SDC2: variants seen among roughly 807,000 people sequenced by gnomAD.
SDC2 encodes syndecan 2.
In SDC2, 13 loss-of-function variants were observed where a neutral mutation model predicts 22.2. The observed-to-expected ratio is 0.59, with a 90% CI of 0.38 to 0.93. The LOEUF (loss-of-function observed/expected upper bound fraction) is 0.93, where lower values mean the gene tolerates loss of function less well. SDC2 is among the 40% of genes least tolerant of loss of function. The pLI, the probability that SDC2 is intolerant of heterozygous loss-of-function variation, is 0.00. For synonymous variants in SDC2, 94 were observed against 92.8 expected (o/e 1.01, Z -0.07); for missense variants, 235 against 246.8 (o/e 0.95, Z 0.32).
chr8:96,570,630 T>C (rs1015437555), intron 1 of SDC2, among the ~76,000 whole-genome samples: 11 of 152,214 alleles, frequency 7.2e-5, no homozygotes, highest in African/African-American at 2.2e-4. Flanking sequence ...ATGTGTCCAT[T>C]GAGTACTTGA....
intron 1 of SDC2, among the ~76,000 whole-genome samples, chr8:96,553,317 A>G (rs1814056105): frequency 6.6e-6 from 1 of 152,156 alleles, no homozygotes; most frequent in African/African-American, 2.4e-5. Flanking sequence ...CTATGTGAAA[A>G]TGCATTCTTA....
intron 1 of SDC2, among the ~76,000 whole-genome samples, chr8:96,586,851 T>C (rs1189539249): frequency 1.3e-5 from 2 of 152,254 alleles, no homozygotes; most frequent in Non-Finnish European, 2.9e-5. Flanking sequence ...TTAAAGAGAC[T>C]TTAGCTTTCT....
At chr8:96,500,067 G>A (rs1813138516) in intron 1 of SDC2, among the ~76,000 whole-genome samples, 1 of 152,208 alleles carries the variant, frequency 6.6e-6, no homozygotes, top group African/African-American at 2.4e-5. Flanking sequence ...CCAGCCCCCA[G>A]TGGACCTGGG....
At chr8:96,574,709 T>G (rs947001569) in intron 1 of SDC2, among the ~76,000 whole-genome samples, 2 of 152,232 alleles carry the variant, frequency 1.3e-5, no homozygotes, top group Non-Finnish European at 2.9e-5. Context: ...AGGCTTGTCT[T>G]ACTGTTGTTC....
chr8:96,597,780 G>A (rs1814904601), intron 2 of SDC2, among the ~76,000 whole-genome samples: 1 of 152,166 alleles, frequency 6.6e-6, no homozygotes, highest in Non-Finnish European at 1.5e-5. Context: ...CATTGAGGAA[G>A]TATTTCTTAA....
intron 1 of SDC2, among the ~76,000 whole-genome samples, chr8:96,567,552 C>A (rs1268955443): frequency 6.6e-6 from 1 of 152,154 alleles, no homozygotes; most frequent in Admixed American, 6.6e-5. Context: ...ATTCAGTATG[C>A]CTTTGCACAC....
chr8:96,578,008 T>G (rs951176494), intron 1 of SDC2, among the ~76,000 whole-genome samples: 2 of 152,266 alleles, frequency 1.3e-5, no homozygotes, highest in Admixed American at 1.3e-4. Context: ...ACACAAATGA[T>G]AGGACATTTC....
chr8:96,588,493 G>A (rs573815247), intron 1 of SDC2, among the ~76,000 whole-genome samples: 2 of 152,242 alleles, frequency 1.3e-5, no homozygotes, highest in South Asian at 4.2e-4. Context: ...TTGGCACTTT[G>A]TAATCATCAT....
At chr8:96,536,395 A>T (rs906810128) in intron 1 of SDC2, among the ~76,000 whole-genome samples, 3 of 152,086 alleles carry the variant, frequency 2.0e-5, no homozygotes. Context: ...ACCTTTGCTC[A>T]CTGTAGCCTC....
At chr8:96,575,319 C>A (rs1449898844) in intron 1 of SDC2, among the ~76,000 whole-genome samples, 1 of 127,136 alleles carries the variant, frequency 7.9e-6, no homozygotes, top group Non-Finnish European at 1.6e-5. Context: ...TGAGATCCAC[C>A]TGGTAGGTGT....
intron 1 of SDC2, among the ~76,000 whole-genome samples, chr8:96,553,489 A>G (rs973210586): frequency 1.3e-5 from 2 of 150,378 alleles, no homozygotes; most frequent in African/African-American, 2.4e-5. Context: ...ACTAAGTTTG[A>G]TTGCTTTAAT....
chr8:96,530,556 C>A (rs1813644724), intron 1 of SDC2, among the ~76,000 whole-genome samples: 1 of 152,158 alleles, frequency 6.6e-6, no homozygotes, highest in Admixed American at 6.6e-5. Context: ...ATTTCTGGAA[C>A]CCAGGAGGCA....
intron 1 of SDC2, among the ~76,000 whole-genome samples, chr8:96,558,655 C>T (rs1264838055): frequency 1.3e-5 from 2 of 152,022 alleles, no homozygotes; most frequent in Non-Finnish European, 2.9e-5. Context: ...CATTGTAATC[C>T]CAACACTTTG....
intron 1 of SDC2, among the ~76,000 whole-genome samples, chr8:96,577,961 T>C (rs1814531833): frequency 6.6e-6 from 1 of 152,256 alleles, no homozygotes; most frequent in South Asian, 2.1e-4. Flanking sequence ...GTGGCTGTAC[T>C]CTAGTTTGTC....
intron 1 of SDC2, among the ~76,000 whole-genome samples, chr8:96,503,783 C>T (rs973067574): frequency 6.6e-6 from 1 of 152,142 alleles, no homozygotes; most frequent in Non-Finnish European, 1.5e-5. Flanking sequence ...TAAGTAAGTT[C>T]TGCTGATCCT....
At chr8:96,563,042 T>A (rs112614874) in intron 1 of SDC2, among the ~76,000 whole-genome samples, 1 of 152,208 alleles carries the variant, frequency 6.6e-6, no homozygotes, top group African/African-American at 2.4e-5. Flanking sequence ...CCAATTACTG[T>A]TCCATTGTTA....
chr8:96,535,464 T>C (rs996721032), intron 1 of SDC2, among the ~76,000 whole-genome samples: 1 of 152,210 alleles, frequency 6.6e-6, no homozygotes, highest in African/African-American at 2.4e-5. Flanking sequence ...CCATTACAAC[T>C]TTTTACCCAC....
At chr8:96,517,718 TA>T (rs36112289) in intron 1 of SDC2, among the ~76,000 whole-genome samples, 22,770 of 151,988 alleles carry the variant, frequency 0.15, 1,910 homozygotes, top group Non-Finnish European at 0.18. Flanking sequence ...TATATGTACA[TA>T]TTTTTGTATG....
intron 1 of SDC2, among the ~76,000 whole-genome samples, chr8:96,535,448 A>G (rs1267752870): frequency 6.6e-6 from 1 of 152,212 alleles, no homozygotes; most frequent in Non-Finnish European, 1.5e-5. Context: ...ATCTGTACCA[A>G]TTCTCCCATT....
Sources: allele counts gnomAD v4.1 joint callset (sites outside exome capture counted in the v4.1 genomes callset), GRCh38; gene constraint gnomAD v4.1.1; transcripts MANE v1.5; gene names NCBI Gene and HGNC (gene_info 2026-07-23, HGNC 2026-07-21).